MICAL2: variants seen among roughly 807,000 people sequenced by gnomAD.
The protein encoded by MICAL2 is [F-actin]-monooxygenase MICAL2.
MICAL2 carries 77 observed loss-of-function variants against 127.3 expected under a neutral mutation model. The observed-to-expected ratio is 0.60, with a 90% CI of 0.50 to 0.73. MICAL2 has a LOEUF of 0.73. MICAL2 is among the 30% of genes least tolerant of loss of function. The pLI is 0.00. For synonymous variants in MICAL2, 570 were observed against 551.1 expected (o/e 1.03, Z -0.48); for missense variants, 1,351 against 1,434.4 (o/e 0.94, Z 0.94).
chr11:12,157,761 G>T (rs1403037524), intron 2 of MICAL2, among the ~76,000 whole-genome samples: 1 of 152,108 alleles, frequency 6.6e-6, no homozygotes, highest in African/African-American at 2.4e-5. Context: ...CAAAGGTTTT[G>T]CACTCCAGTT....
chr11:12,275,123 C>T (rs144083858), upstream of MICAL2, among the ~76,000 whole-genome samples: 35 of 152,182 alleles, frequency 2.3e-4, no homozygotes, highest in African/African-American at 7.2e-4. Context: ...AAGATGCTGG[C>T]GAGGTGTTGG....
intron 33 of MICAL2, among the ~76,000 whole-genome samples, chr11:12,351,778 GT>G (rs1338335573): frequency 2.0e-5 from 3 of 151,616 alleles, no homozygotes; most frequent in African/African-American, 7.3e-5. Context: ...GTGATGATTT[GT>G]TGTATTATAA....
At chr11:12,202,126 A>G (rs991499176) in intron 3 of MICAL2, among the ~76,000 whole-genome samples, 4 of 152,024 alleles carry the variant, frequency 2.6e-5, no homozygotes, top group Non-Finnish European at 5.9e-5. Flanking sequence ...GTGTCTCAAA[A>G]AAAAAAAAGA....
chr11:12,347,717 A>G (rs564737537), intron 32 of MICAL2, among the ~76,000 whole-genome samples: 3 of 152,348 alleles, frequency 2.0e-5, no homozygotes, highest in South Asian at 2.1e-4. Context: ...AGTATTATAA[A>G]TAATCTAGAA....
chr11:12,318,605 C>G (rs1266998197), intron 29 of MICAL2, among the ~76,000 whole-genome samples: 2 of 152,148 alleles, frequency 1.3e-5, no homozygotes, highest in Non-Finnish European at 2.9e-5. Context: ...TCTCCTTTCC[C>G]CCGACCCAAC....
chr11:12,304,107 A>C (rs1864080479), intron 29 of MICAL2, among the ~76,000 whole-genome samples: 1 of 152,194 alleles, frequency 6.6e-6, no homozygotes, highest in Non-Finnish European at 1.5e-5. Flanking sequence ...ATTAAAATTA[A>C]TTTTATTTTT....
At chr11:12,280,999 C>G in exon 2 of MICAL2, 1 of 399,196 alleles carries the variant, frequency 2.5e-6, no homozygotes, top group Non-Finnish European at 4.4e-6. Context: ...AAGAGAAACC[C>G]TGGCGGCCAG....
At chr11:12,358,481 G>A (rs768534708), downstream of MICAL2, 31 of 1,613,478 alleles carry the variant, frequency 1.9e-5, no homozygotes, top group East Asian at 6.7e-4. Flanking sequence ...AGGACTTGAG[G>A]AGGCCCGTAG....
intron 33 of MICAL2, among the ~76,000 whole-genome samples, chr11:12,353,634 C>G (rs1565313865): frequency 6.6e-6 from 1 of 152,166 alleles, no homozygotes; most frequent in Non-Finnish European, 1.5e-5. Flanking sequence ...CCACGGTGAT[C>G]TCAATGGGGC....
chr11:12,227,562 C>T (rs1341502741), intron 15 of MICAL2, among the ~76,000 whole-genome samples: 1 of 152,188 alleles, frequency 6.6e-6, no homozygotes, highest in Non-Finnish European at 1.5e-5. Flanking sequence ...TTTATTCACT[C>T]ATTCAACAAA....
chr11:12,242,427 C>G lies in MICAL2; in HGVS notation c.2551C>G (p.Leu851Val). The stretch of plus-strand genomic sequence containing the variant: ...GCTGCAGCAAGTGGAGGAAAAGATT[C>G]TCCAGGTGAGAGACTCACTTTTTGC... ...WRLQQVEEKI[L>V]QKRAQNLANR... Residue 851 changes from leucine (L) to valine (V), a missense_variant, in exon 19 of 28, where the codon CTC becomes GTC. By Grantham distance (32) the Leu-to-Val change is conservative. Around this residue, in one of 2 missense-constraint regions of MICAL2, gnomAD observed 752 missense variants for 719.4 expected, o/e 1.05. Transcript: ENST00000683283. 6.2e-7 allele frequency: 1 copy of G among 1,602,854 alleles called. No individual in the cohort carries two copies. The highest frequency in any genetic ancestry group is 8.5e-7 in the Non-Finnish European group (1 of 1,173,028).
downstream of MICAL2, chr11:12,358,766 A>G (rs1007975403): frequency 4.6e-6 from 1 of 216,420 alleles, no homozygotes; most frequent in Non-Finnish European, 9.1e-6. Flanking sequence ...TTTTCCCTAG[A>G]AAGTGACACA....
At chr11:12,320,598 G>A (rs1339814413) in intron 30 of MICAL2, among the ~76,000 whole-genome samples, 2 of 152,188 alleles carry the variant, frequency 1.3e-5, no homozygotes, top group African/African-American at 4.8e-5. Context: ...AGAAAGAGAA[G>A]CAGTTCACTG....
chr11:12,160,927 C>T (rs1486077625), intron 2 of MICAL2, among the ~76,000 whole-genome samples: 1 of 152,276 alleles, frequency 6.6e-6, no homozygotes, highest in East Asian at 1.9e-4. Flanking sequence ...ATTATAAAAC[C>T]GTCCCACAAT....
intron 3 of MICAL2, among the ~76,000 whole-genome samples, chr11:12,199,438 A>G (rs1860378698): frequency 6.6e-6 from 1 of 152,158 alleles, no homozygotes; most frequent in Non-Finnish European, 1.5e-5. Context: ...GTCTGCACAC[A>G]CAGCTCTCAA....
chr11:12,246,925 G>A (rs1440744414), intron 21 of MICAL2, among the ~76,000 whole-genome samples: 2 of 152,206 alleles, frequency 1.3e-5, no homozygotes, highest in South Asian at 4.1e-4. Context: ...ATGTGTTAGA[G>A]GGCAAGATAA....
chr11:12,185,953 G>A (rs1377514778), intron 3 of MICAL2, among the ~76,000 whole-genome samples: 1 of 152,258 alleles, frequency 6.6e-6, no homozygotes, highest in Non-Finnish European at 1.5e-5. Flanking sequence ...CAGGCACATA[G>A]CAGGTGCTCA....
At chr11:12,287,058 A>G in intron 2 of MICAL2, 1 of 398,900 alleles carries the variant, frequency 2.5e-6, no homozygotes, top group Non-Finnish European at 4.4e-6. Flanking sequence ...CTCCCACCCC[A>G]TCTTCCCTGT....
intron 29 of MICAL2, chr11:12,303,685 C>A (rs1265880113): frequency 6.6e-6 from 1 of 152,168 alleles, no homozygotes; most frequent in Non-Finnish European, 1.5e-5. Flanking sequence ...TGTCAGAAGT[C>A]TCTGTTGAAG....
Sources: gnomAD v4.1 joint callset for allele counts (sites outside exome capture counted in the v4.1 genomes callset) on GRCh38, gnomAD v4.1.1 for gene constraint, gnomAD v4.1.1 regional missense constraint, MANE v1.5 for transcripts, NCBI Gene and HGNC (gene_info 2026-07-23, HGNC 2026-07-21) for gene names.